CUX1: variants seen among roughly 807,000 people sequenced by gnomAD.
The protein encoded by CUX1 is protein CASP.
CUX1 carries 31 observed loss-of-function variants against 158.8 expected under a neutral mutation model. The observed-to-expected ratio is 0.20, with a 90% CI of 0.15 to 0.26. The LOEUF is 0.26. Among genes scored for constraint, CUX1 ranks in the 10% least tolerant of loss-of-function variants. The pLI is 1.00. For synonymous variants in CUX1, 879 were observed against 862.1 expected, an observed-to-expected ratio of 1.02 and a Z score of -0.34; for missense variants, 1,589 against 2,014.6, an observed-to-expected ratio of 0.79 and a Z score of 4.04.
At chr7:102,265,852 G>T (rs1222568873) in intron 14 of CUX1, among the ~76,000 whole-genome samples, 2 of 151,934 alleles carry the variant, frequency 1.3e-5, no homozygotes, top group African/African-American at 4.9e-5. Context: ...ACTCGGACTA[G>T]GTGGCAGCAG....
intron 2 of CUX1, among the ~76,000 whole-genome samples, chr7:102,011,204 A>C (rs1442693953): frequency 3.3e-5 from 5 of 152,176 alleles, no homozygotes; most frequent in Non-Finnish European, 7.3e-5. Context: ...TGTATGGTGT[A>C]TTCATGCCAA....
intron 11 of CUX1, among the ~76,000 whole-genome samples, chr7:102,187,800 CGCCCA>C (rs1793798338): frequency 6.6e-6 from 1 of 152,042 alleles, no homozygotes; most frequent in South Asian, 2.1e-4. Flanking sequence ...TCAGCCACCG[CGCCCA>C]GCCCTGAATT....
intron 11 of CUX1, among the ~76,000 whole-genome samples, chr7:102,189,148 T>A (rs149658905): frequency 6.6e-6 from 1 of 152,194 alleles, no homozygotes; most frequent in African/African-American, 2.4e-5. Flanking sequence ...GGGCTGTGTC[T>A]CTCGTTAGTA....
intron 14 of CUX1, 119 bp downstream of exon 14, chr7:102,195,722 C>CGA (rs1192788937): frequency 8.9e-6 from 8 of 902,080 alleles, no homozygotes; most frequent in Non-Finnish European, 1.3e-5. Context: ...CGCCGGTTGA[C>CGA]GAGAACCTTT....
chr7:101,992,789 C>A (rs1349066947), intron 2 of CUX1, among the ~76,000 whole-genome samples: 1 of 151,952 alleles, frequency 6.6e-6, no homozygotes, highest in Non-Finnish European at 1.5e-5. Flanking sequence ...CCGCCGCCCC[C>A]CTCCAACCCC....
intron 2 of CUX1, among the ~76,000 whole-genome samples, chr7:101,942,118 A>G (rs1367855109): frequency 1.3e-5 from 2 of 152,110 alleles, no homozygotes; most frequent in Non-Finnish European, 2.9e-5. Context: ...CTGTTCACCT[A>G]CCTTTTTAGG....
At chr7:102,043,435 T>C (rs956986407) in intron 3 of CUX1, among the ~76,000 whole-genome samples, 7 of 151,806 alleles carry the variant, frequency 4.6e-5, no homozygotes, top group African/African-American at 1.7e-4. Context: ...TTATTAACTA[T>C]AGTCACCATG....
intron 2 of CUX1, among the ~76,000 whole-genome samples, chr7:101,996,185 GGA>G (rs1815856851): frequency 6.6e-6 from 1 of 152,106 alleles, no homozygotes; most frequent in East Asian, 1.9e-4. Context: ...TGACCTTCTG[GGA>G]GAGAGAACAT....
Position 101,830,608 on chromosome 7 carries a change from A to G in CUX1, c.30+12939A>G, listed in dbSNP as rs374096704. On this transcript the variant is annotated intron_variant, in intron 1 of 23. Transcript: ENST00000292535. ...GCTGGGACCACAGGTGTGCCCCACC[A>G]TGCCTGGCTAATTTTTTTTACATAT... Among the ~76,000 whole-genome samples, 120 of 151,678 alleles carry G rather than the reference A, an allele frequency of 7.9e-4. 1 individual carries two copies. Among genetic ancestry groups the G allele is most frequent in the African/African-American group, 2.8e-3 (114 of 41,294 alleles).
intron 4 of CUX1, among the ~76,000 whole-genome samples, chr7:102,089,454 C>T (rs782749966): frequency 1.3e-5 from 2 of 152,184 alleles, no homozygotes; most frequent in Non-Finnish European, 1.5e-5. Context: ...TCAGTTTGAT[C>T]ATCCTGAGAC....
chr7:101,819,701 CTT>C (rs1435426413), intron 1 of CUX1, among the ~76,000 whole-genome samples: 1 of 152,034 alleles, frequency 6.6e-6, no homozygotes, highest in African/African-American at 2.4e-5. Context: ...ATATGGGTGT[CTT>C]TGAGGTTGGA....
At chr7:102,116,914 C>A (rs984631721) in intron 8 of CUX1, among the ~76,000 whole-genome samples, 10 of 152,168 alleles carry the variant, frequency 6.6e-5, no homozygotes, top group African/African-American at 2.4e-4. Context: ...ATTGATTCAA[C>A]AGACATTCAC....
At chr7:101,941,542 G>A (rs948656535) in intron 2 of CUX1, among the ~76,000 whole-genome samples, 2 of 152,230 alleles carry the variant, frequency 1.3e-5, no homozygotes, top group African/African-American at 2.4e-5. Context: ...TCTATTTCTT[G>A]TAATTAATTT....
chr7:102,182,411 T>C (rs139947630), intron 11 of CUX1, among the ~76,000 whole-genome samples: 18 of 152,362 alleles, frequency 1.2e-4, no homozygotes, highest in African/African-American at 4.3e-4. Flanking sequence ...AAATTCTCCA[T>C]CTTTCTGCCA....
intron 2 of CUX1, among the ~76,000 whole-genome samples, chr7:102,008,689 A>C (rs1213276772): frequency 1.5e-5 from 2 of 132,008 alleles, no homozygotes; most frequent in African/African-American, 2.8e-5. Context: ...GGGACAAGGC[A>C]CCTTTCCTTC....
intron 15 of CUX1, 126 bp downstream of exon 15, chr7:102,197,431 TCTTTG>T: frequency 8.4e-7 from 1 of 1,188,212 alleles, no homozygotes; most frequent in African/African-American, 1.5e-5. Context: ...GGTAAAGTTC[TCTTTG>T]CTTCTGCCAC....
At chr7:102,060,574 T>A (rs1199971368) in intron 3 of CUX1, among the ~76,000 whole-genome samples, 6 of 131,598 alleles carry the variant, frequency 4.6e-5, no homozygotes, top group Admixed American at 3.3e-4. Flanking sequence ...CACACACACA[T>A]ATATACATAT....
rs140575211 is a variant in CUX1 at position 102,124,201 on chromosome 7, G to T, written c.674+8928G>T. On this transcript the variant is annotated intron_variant, in intron 8 of 23. Coordinates refer to ENST00000292535, the MANE Select transcript of CUX1 (RefSeq NM_181552.4). ...TAGATTGTAGCACATATGGTGATCT[G>T]TGAAACGGGGGTGTCATGACACACC... Among the ~76,000 whole-genome samples the T allele has an allele frequency of 1.9e-3, 293 of 152,346 alleles. 1 individual carries two copies. Among genetic ancestry groups the T allele is most frequent in the African/African-American group, 6.5e-3 (269 of 41,580 alleles).
Position 102,248,728 on chromosome 7 carries a change from C to A in CUX1, c.4204C>A (p.Leu1402Met). Residue 1402 changes from leucine (L) to methionine (M), a missense_variant, in exon 24 of 24, where the codon CTG becomes ATG. This residue lies in a region of CUX1 where 344 missense variants were observed against 323.7 expected (regional missense o/e 1.06). Coordinates refer to ENST00000292535, the MANE Select transcript of CUX1 (RefSeq NM_181552.4). This position sits in a 1 kb window ranked among gnomAD's most constrained non-coding sequence, Gnocchi z 5.8. The part of the protein sequence containing the change: ...EGGPVEGPGP[L>M]PSPASATATA... ...AGGCCCCGTGGAAGGCCCGGGGCCC[C>A]TGCCCAGCCCCGCCTCCGCGACCGC... The A allele has an allele frequency of 8.9e-7, 1 of 1,124,550 alleles. No individual in the cohort carries two copies. The highest frequency in any genetic ancestry group is 1.1e-6 in the Non-Finnish European group (1 of 918,170). The allele number at this position is 1,124,550 out of a possible 1,614,324, so 69.7% of individuals were successfully genotyped here.
Sources: gnomAD v4.1 joint callset for allele counts (sites outside exome capture counted in the v4.1 genomes callset) on GRCh38, gnomAD v4.1.1 for gene constraint, gnomAD v4.1.1 regional missense constraint, Gnocchi (gnomAD v3.1) non-coding constraint, MANE v1.5 for transcripts, NCBI Gene and HGNC (gene_info 2026-07-23, HGNC 2026-07-21) for gene names.